Variants in CDH9 observed in about 807,000 individuals in gnomAD.
CDH9 encodes the protein cadherin 9, also known as cadherin-9.
CDH9 carries 28 observed loss-of-function variants against 70.9 expected under a neutral mutation model. That is an observed-to-expected ratio of 0.40 (90% CI 0.29 to 0.54). CDH9 has a LOEUF of 0.54. Ranked by LOEUF, CDH9 falls within the 20% of genes least tolerant of loss-of-function variation. CDH9 has a pLI of 0.59. For synonymous variants in CDH9, 409 were observed against 343.1 expected (o/e 1.19, Z -2.12); for missense variants, 874 against 984.4 (o/e 0.89, Z 1.50).
At chr5:26,885,482 G>A in intron 11 of CDH9, 132 bp downstream of exon 11, 1 of 814,594 alleles carries the variant, frequency 1.2e-6, no homozygotes, top group Non-Finnish European at 1.9e-6. Context: ...CTAATTGAAA[G>A]AAGAATTTTA....
intron 3 of CDH9, among the ~76,000 whole-genome samples, chr5:26,911,755 T>C (rs1230034622): frequency 6.6e-6 from 1 of 152,196 alleles, no homozygotes; most frequent in East Asian, 1.9e-4. Flanking sequence ...ATATATATCT[T>C]TGTATATCTT....
At chr5:26,943,694 T>G (rs1741700442) in intron 2 of CDH9, among the ~76,000 whole-genome samples, 1 of 152,126 alleles carries the variant, frequency 6.6e-6, no homozygotes, top group Admixed American at 6.6e-5. Flanking sequence ...TGTTGGAAAT[T>G]GACTGAGACA....
intron 3 of CDH9, among the ~76,000 whole-genome samples, chr5:26,915,014 T>C (rs192613255): frequency 6.6e-6 from 1 of 152,136 alleles, no homozygotes; most frequent in Admixed American, 6.5e-5. Flanking sequence ...AGTGAAACAA[T>C]TATTTTCAGT....
chr5:26,962,632 T>C (rs1742056779), intron 2 of CDH9, among the ~76,000 whole-genome samples: 1 of 152,162 alleles, frequency 6.6e-6, no homozygotes, highest in South Asian at 2.1e-4. Flanking sequence ...TTGAGAAGCG[T>C]CTGTTGAAGC....
At chr5:26,948,040 G>T (rs1203308716) in intron 2 of CDH9, among the ~76,000 whole-genome samples, 1 of 151,890 alleles carries the variant, frequency 6.6e-6, no homozygotes, top group Non-Finnish European at 1.5e-5. Flanking sequence ...AGAGAAATTG[G>T]TCCCCACCTT....
chr5:26,945,227 A>C (rs1741731900), intron 2 of CDH9, among the ~76,000 whole-genome samples: 2 of 151,560 alleles, frequency 1.3e-5, no homozygotes, highest in South Asian at 4.2e-4. Flanking sequence ...CCCTCACCTG[A>C]ACCAATTGCA....
chr5:26,896,007 C>T (rs954255852), intron 7 of CDH9, among the ~76,000 whole-genome samples: 3 of 151,910 alleles, frequency 2.0e-5, no homozygotes, highest in African/African-American at 4.8e-5. Flanking sequence ...CTATGCTTTC[C>T]GGTATGGCCT....
At chr5:27,036,358 A>G (rs1263668520) in intron 1 of CDH9, among the ~76,000 whole-genome samples, 1 of 151,936 alleles carries the variant, frequency 6.6e-6, no homozygotes, top group African/African-American at 2.4e-5. Context: ...CACACGATTT[A>G]TCAAGTTGAG....
chr5:26,981,810 T>G (rs936231442), intron 2 of CDH9, among the ~76,000 whole-genome samples: 4 of 151,936 alleles, frequency 2.6e-5, no homozygotes, highest in Non-Finnish European at 5.9e-5. Flanking sequence ...AACCAATAAA[T>G]AGGTAGAAAA....
intron 1 of CDH9, among the ~76,000 whole-genome samples, chr5:27,004,588 G>C (rs1347908094): frequency 6.6e-6 from 1 of 151,996 alleles, no homozygotes; most frequent in Non-Finnish European, 1.5e-5. Context: ...AGAGACAACT[G>C]GAAATAAATT....
chr5:26,954,993 C>A (rs552076449), intron 2 of CDH9, among the ~76,000 whole-genome samples: 1 of 152,136 alleles, frequency 6.6e-6, no homozygotes, highest in East Asian at 1.9e-4. Flanking sequence ...TGTGGTTGTA[C>A]CACTACACAC....
At chr5:26,954,402 T>TTTTTTTTTTTG (rs1741905554) in intron 2 of CDH9, among the ~76,000 whole-genome samples, 1 of 143,690 alleles carries the variant, frequency 7.0e-6, no homozygotes, top group South Asian at 2.2e-4. Context: ...TTTTTTTTTT[T>TTTTTTTTTTTG]GAGACATAGT....
chr5:27,014,106 T>A (rs1362450214), intron 1 of CDH9, among the ~76,000 whole-genome samples: 1 of 151,992 alleles, frequency 6.6e-6, no homozygotes, highest in African/African-American at 2.4e-5. Flanking sequence ...ATCTCAAATA[T>A]GACCAGATAT....
intron 1 of CDH9, among the ~76,000 whole-genome samples, chr5:27,007,042 A>G (rs1742876707): frequency 6.6e-6 from 1 of 152,138 alleles, no homozygotes; most frequent in African/African-American, 2.4e-5. Context: ...TTTATATAGC[A>G]AGTTTTTAAT....
chr5:26,975,621 C>T lies in CDH9; in HGVS notation c.228+12485G>A, dbSNP rs559599610. Among the ~76,000 whole-genome samples, 21 of 152,256 alleles carry T rather than the reference C, an allele frequency of 1.4e-4. No individual in the cohort carries two copies. In the South Asian group the frequency reaches 4.4e-3, roughly 32 times the overall value. On this transcript the variant is annotated intron_variant, in intron 2 of 11. Coordinates refer to ENST00000231021, the MANE Select transcript of CDH9 (RefSeq NM_016279.4). ...AAGCAATCCTGGTGTTCAGGTTTTT[C>T]TCTTCACAAAGTTGTTGTGTTGGAC...
intron 2 of CDH9, among the ~76,000 whole-genome samples, chr5:26,924,816 C>A (rs1741308640): frequency 6.6e-6 from 1 of 151,694 alleles, no homozygotes; most frequent in Non-Finnish European, 1.5e-5. Context: ...AGTCTTCTGT[C>A]CTTGTGATAG....
intron 2 of CDH9, among the ~76,000 whole-genome samples, chr5:26,929,382 T>C (rs1741400308): frequency 6.6e-6 from 1 of 152,004 alleles, no homozygotes; most frequent in African/African-American, 2.4e-5. Context: ...GCCTTGTATA[T>C]TGTTGGCAGG....
chr5:26,944,309 G>T (rs1741710103), intron 2 of CDH9, among the ~76,000 whole-genome samples: 1 of 150,760 alleles, frequency 6.6e-6, no homozygotes, highest in Non-Finnish European at 1.5e-5. Context: ...TATAAAGACA[G>T]TTCTATTTTG....
At chr5:26,953,303 A>G (rs1364756958) in intron 2 of CDH9, among the ~76,000 whole-genome samples, 1 of 152,234 alleles carries the variant, frequency 6.6e-6, no homozygotes, top group Non-Finnish European at 1.5e-5. Flanking sequence ...CTATTGTGCT[A>G]CAAAAATATT....
Sources: gnomAD v4.1 joint callset for allele counts (sites outside exome capture counted in the v4.1 genomes callset) on GRCh38, gnomAD v4.1.1 for gene constraint, MANE v1.5 for transcripts, NCBI Gene and HGNC (gene_info 2026-07-23, HGNC 2026-07-21) for gene names.